PCDHGA2: variants seen among roughly 807,000 people sequenced by gnomAD.
The protein encoded by PCDHGA2 is protocadherin gamma-A2.
Under a neutral mutation model 59.2 loss-of-function variants are expected in PCDHGA2, and 40 were observed. The ratio of observed to expected loss-of-function variants is 0.68; its 90% confidence interval spans 0.52 to 0.88. The LOEUF is 0.88. Ranked by LOEUF, PCDHGA2 falls within the 40% of genes least tolerant of loss-of-function variation. The pLI is 0.00. For missense variants in PCDHGA2, 1,226 were observed against 1,204.0 expected, an observed-to-expected ratio of 1.02 and a Z score of -0.27; for synonymous variants, 560 against 526.0, an observed-to-expected ratio of 1.06 and a Z score of -0.89.
In PCDHGA2 at chr5:141,394,824, G is replaced by C. The variant is rs200702899; in HGVS notation, c.2424+53429G>C. The C allele has an allele frequency of 8.2e-4, 1,326 of 1,613,856 alleles. 15 individuals are homozygous for C. The highest frequency in any genetic ancestry group is 9.3e-4 in the Admixed American group (56 of 60,030). ...AGCCGTGGCTGACAGCATCCCCGAA[G>C]TCCTGACCGAGTTGGGCAGTCTGAA... On this transcript the variant is annotated intron_variant, in intron 1 of 3. Transcript: ENST00000394576.
intron 1 of PCDHGA2, among the ~76,000 whole-genome samples, chr5:141,382,440 G>T (rs1184288404): frequency 6.6e-6 from 1 of 152,174 alleles, no homozygotes; most frequent in Non-Finnish European, 1.5e-5. Flanking sequence ...TCACTTGAAA[G>T]TTGCAAGGCA....
rs1373988780 is a variant in PCDHGA2, at chr5:141,404,040, G to A, written c.2424+62645G>A. 1.9e-5 allele frequency: 30 copies of A among 1,613,694 alleles called. No homozygotes were observed. The highest frequency in any genetic ancestry group is 2.3e-5 in the Non-Finnish European group (27 of 1,179,836). On this transcript the variant is annotated intron_variant, in intron 1 of 3. Transcript: ENST00000394576. Reference sequence around the variant, plus strand: ...CCAGTGAGAGAAGACGCACCTCAGGGAACAGTAATTCTTCTTTTCAATGCT... The same window carrying A: ...CCAGTGAGAGAAGACGCACCTCAGGAAACAGTAATTCTTCTTTTCAATGCT...
intron 1 of PCDHGA2, chr5:141,468,629 G>A (rs1170355107): frequency 1.3e-5 from 2 of 152,140 alleles, no homozygotes; most frequent in African/African-American, 4.8e-5. Flanking sequence ...CACTTTGGGA[G>A]GCCGAGGTGG....
chr5:141,393,690 C>T (rs779487285), intron 1 of PCDHGA2: 4 of 1,613,752 alleles, frequency 2.5e-6, no homozygotes, highest in Non-Finnish European at 2.5e-6. Context: ...TCCGTTATTC[C>T]AGCTTAATGA....
At chr5:141,365,777 G>T (rs543335678) in intron 1 of PCDHGA2, 1 of 1,613,854 alleles carries the variant, frequency 6.2e-7, no homozygotes, top group South Asian at 1.1e-5. Context: ...CGACAGCGGC[G>T]ACAACGCTCG....
chr5:141,407,371 T>C (rs2094921499), intron 1 of PCDHGA2, among the ~76,000 whole-genome samples: 1 of 152,222 alleles, frequency 6.6e-6, no homozygotes, highest in South Asian at 2.1e-4. Context: ...CAGATATCCA[T>C]GAAGGCTTGT....
chr5:141,510,949 G>C lies in PCDHGA2; in HGVS notation c.2575G>C (p.Ala859Pro), dbSNP rs762789865. The C allele has an allele frequency of 2.2e-5, 36 of 1,614,012 alleles. No homozygotes were observed. The highest frequency in any genetic ancestry group is 3.0e-5 in the Non-Finnish European group (35 of 1,180,020). ...CTGATCTTCCTCTGTCTCTGCAGAA[G>C]CTGCTGATGGGAGCTCCACCCTGGG... ...QAMILASASE[A>P]ADGSSTLGGG... is the part of the protein sequence containing the mutation. The change falls in exon 4 of 4, where the codon GCT (alanine) becomes CCT (proline). Residue 859 changes from alanine (A) to proline (P), a missense_variant and splice_region_variant. Coordinates refer to ENST00000394576, the MANE Select transcript of PCDHGA2 (RefSeq NM_018915.4).
chr5:141,497,796 TC>T (rs1251163385), intron 2 of PCDHGA2, among the ~76,000 whole-genome samples: 2 of 152,160 alleles, frequency 1.3e-5, no homozygotes, highest in African/African-American at 2.4e-5. Context: ...TGCTTCAGCT[TC>T]CCAAAGTGCT....
intron 1 of PCDHGA2, chr5:141,350,965 T>C: frequency 6.2e-7 from 1 of 1,614,092 alleles, no homozygotes; most frequent in Non-Finnish European, 8.5e-7. Flanking sequence ...CCAATGATAA[T>C]GCTCCCGTGT....
At position 141,392,616 on chromosome 5, in the gene PCDHGA2, G is replaced by A. The variant is rs912385052; in HGVS notation, c.2424+51221G>A. 8 of 535,918 alleles carry A rather than the reference G, an allele frequency of 1.5e-5. No individual in the cohort carries two copies. In the South Asian group the frequency reaches 2.7e-4, roughly 18 times the overall value. The allele number at this position is 535,918 out of a possible 1,614,324, so 33.2% of individuals were successfully genotyped here. ...CACCTACTGGAAGACAAATGCAACC[G>A]AAAACACTCAGATCTCACACCTCAC... On this transcript the variant is annotated intron_variant, in intron 1 of 3. Transcript: ENST00000394576.
chr5:141,470,550 A>G (rs899475300), intron 1 of PCDHGA2, among the ~76,000 whole-genome samples: 1 of 152,120 alleles, frequency 6.6e-6, no homozygotes, highest in Non-Finnish European at 1.5e-5. Flanking sequence ...ATTTATTGAG[A>G]GTTTCCTCTG....
chr5:141,423,699 T>C, intron 1 of PCDHGA2: 1 of 1,469,146 alleles, frequency 6.8e-7, no homozygotes, highest in East Asian at 2.5e-5. Context: ...GTTGGTGTCT[T>C]GGCACAAGTC....
chr5:141,371,694 T>C, intron 1 of PCDHGA2: 1 of 1,614,030 alleles, frequency 6.2e-7, no homozygotes, highest in African/African-American at 1.3e-5. Flanking sequence ...ACCGCTCTCC[T>C]CCAGCAAGAC....
intron 1 of PCDHGA2, chr5:141,424,104 A>G (rs1049098128): frequency 6.2e-6 from 5 of 812,458 alleles, no homozygotes; most frequent in Non-Finnish European, 6.1e-6. Flanking sequence ...ATTACTGCTA[A>G]TGTTCAAATT....
At chr5:141,358,973 T>A (rs1455401871) in intron 1 of PCDHGA2, among the ~76,000 whole-genome samples, 2 of 152,246 alleles carry the variant, frequency 1.3e-5, no homozygotes, top group African/African-American at 4.8e-5. Context: ...CTGTGAGAAT[T>A]CAAAATTCAT....
Position 141,491,898 on chromosome 5 carries a change from G to C in PCDHGA2, c.2425-2909G>C, listed in dbSNP as rs772673872. 9.0e-5 allele frequency: 129 copies of C among 1,428,816 alleles called. 1 individual carries two copies. In the Middle Eastern group the frequency reaches 2.0e-3, roughly 22 times the overall value. The allele number at this position is 1,428,816 out of a possible 1,614,324, so 88.5% of individuals were successfully genotyped here. On this transcript the variant is annotated intron_variant, in intron 1 of 3. Coordinates refer to ENST00000394576, the MANE Select transcript of PCDHGA2 (RefSeq NM_018915.4). The surrounding 1 kb of genome is among the most constrained non-coding windows in gnomAD (Gnocchi z 6.9). ...ATTAAGGGATGGGGCTCCGAGCACCGGGGGTGGTGGCGACTGTGGGCGAGG... is the reference window on the plus strand; with the variant it reads ...ATTAAGGGATGGGGCTCCGAGCACCCGGGGTGGTGGCGACTGTGGGCGAGG...
chr5:141,489,205 G>A lies in PCDHGA2; in HGVS notation c.2425-5602G>A. 2.1e-6 allele frequency: 3 copies of A among 1,438,682 alleles called. No homozygotes were observed. Among genetic ancestry groups the A allele is most frequent in the Non-Finnish European group, 1.9e-6 (2 of 1,060,944 alleles). 89.1% of individuals were successfully genotyped at this position (1,438,682 alleles called of 1,614,324 possible). On this transcript the variant is annotated intron_variant, in intron 1 of 3. Coordinates refer to ENST00000394576, the MANE Select transcript of PCDHGA2 (RefSeq NM_018915.4). The surrounding 1 kb of genome is among the most constrained non-coding windows in gnomAD (Gnocchi z 4.5). ...CTGGGTCTACCTTGGAGACAGGACA[G>A]CACAGACTTACTCTCCACAAAGGGA...
intron 1 of PCDHGA2, chr5:141,362,627 G>T: frequency 1.3e-6 from 2 of 1,505,114 alleles, no homozygotes; most frequent in Non-Finnish European, 1.8e-6. Flanking sequence ...AAGTTCCACT[G>T]CGTATTTCTT....
At chr5:141,399,613 G>C (rs752648693) in intron 1 of PCDHGA2, 1 of 1,613,928 alleles carries the variant, frequency 6.2e-7, no homozygotes, top group South Asian at 1.1e-5. Context: ...AGAGCCTCTG[G>C]CACTGGCCTC....
Sources: allele counts gnomAD v4.1 joint callset (sites outside exome capture counted in the v4.1 genomes callset), GRCh38; gene constraint gnomAD v4.1.1; non-coding constraint Gnocchi (gnomAD v3.1); transcripts MANE v1.5; gene names NCBI Gene and HGNC (gene_info 2026-07-23, HGNC 2026-07-21).